RYR2: variants seen among roughly 807,000 people sequenced by gnomAD.
RYR2 encodes cardiac muscle ryanodine receptor-calcium release channel.
A neutral mutation model predicts 601.1 loss-of-function variants in RYR2; 227 were observed. The observed-to-expected ratio is 0.38, with a 90% CI of 0.34 to 0.42. The LOEUF is 0.42. Ranked by LOEUF, RYR2 falls within the 10% of genes least tolerant of loss-of-function variation. The pLI, the probability that RYR2 is intolerant of heterozygous loss-of-function variation, is 1.00. For missense variants in RYR2, 4,646 were observed against 6,156.5 expected (o/e 0.75, Z 8.21); for synonymous variants, 2,223 against 2,175.1 (o/e 1.02, Z -0.61).
intron 19 of RYR2, among the ~76,000 whole-genome samples, chr1:237,493,386 G>A (rs899799823): frequency 5.9e-5 from 9 of 152,034 alleles, no homozygotes; most frequent in African/African-American, 1.9e-4. Flanking sequence ...ATAGGTATAT[G>A]GTTGTATATA....
intron 10 of RYR2, among the ~76,000 whole-genome samples, chr1:237,391,705 A>C (rs925156908): frequency 1.3e-5 from 2 of 152,174 alleles, no homozygotes; most frequent in Non-Finnish European, 2.9e-5. Context: ...TCTGGATATC[A>C]GTAGAGTTAC....
intron 2 of RYR2, among the ~76,000 whole-genome samples, chr1:237,302,725 C>CT (rs1693485872): frequency 6.6e-6 from 1 of 152,152 alleles, no homozygotes; most frequent in African/African-American, 2.4e-5. Flanking sequence ...AATCCCAGCT[C>CT]TATCATTTAT....
At chr1:237,577,498 T>G (rs12132980) in intron 29 of RYR2, among the ~76,000 whole-genome samples, 45,050 of 133,412 alleles carry the variant, frequency 0.34, 7,199 homozygotes, top group East Asian at 0.63. Flanking sequence ...GAGTGTGTGT[T>G]TCTGTGTGTG....
chr1:237,096,533 G>C (rs768235372), intron 1 of RYR2, among the ~76,000 whole-genome samples: 2 of 152,126 alleles, frequency 1.3e-5, no homozygotes, highest in African/African-American at 2.4e-5. Context: ...GCTTTGCTGA[G>C]GGAGGCAATA....
At chr1:237,263,156 T>C (rs984058619) in intron 1 of RYR2, among the ~76,000 whole-genome samples, 1 of 152,186 alleles carries the variant, frequency 6.6e-6, no homozygotes, top group Non-Finnish European at 1.5e-5. Flanking sequence ...TATTGCCCTA[T>C]TTCCTGGCTG....
At chr1:237,709,709 T>C in intron 70 of RYR2, 142 bp downstream of exon 70, 1 of 487,566 alleles carries the variant, frequency 2.1e-6, no homozygotes, top group Non-Finnish European at 3.7e-6. Flanking sequence ...TTCTGAGTTT[T>C]GCAATTTATC....
At chr1:237,747,693 T>C (rs1692197955) in intron 80 of RYR2, among the ~76,000 whole-genome samples, 1 of 152,146 alleles carries the variant, frequency 6.6e-6, no homozygotes, top group Non-Finnish European at 1.5e-5. Flanking sequence ...TTTGAATGGG[T>C]TTATTTGGTG....
At position 237,648,428 on chromosome 1, in the gene RYR2, C is replaced by T. The variant is rs1430994120; in HGVS notation, c.7343-16C>T. On this transcript the variant is annotated splice_polypyrimidine_tract_variant and intron_variant, in intron 48 of 104. Transcript: ENST00000366574. ...TGACACAGCCATTGACACCAAAATT[C>T]ACTTCTCTCTTTTAGATGGGAATGT... The T allele has an allele frequency of 6.3e-7, 1 of 1,585,004 alleles. No individual in the cohort carries two copies. The highest frequency in any genetic ancestry group is 2.2e-5 in the East Asian group (1 of 44,484).
chr1:237,071,429 G>T (rs1044209018), intron 1 of RYR2, among the ~76,000 whole-genome samples: 3 of 151,992 alleles, frequency 2.0e-5, no homozygotes, highest in African/African-American at 7.3e-5. Context: ...TCACTATGTT[G>T]GCCAGGCTGG....
At chr1:237,310,748 A>G (rs1050122892) in intron 2 of RYR2, among the ~76,000 whole-genome samples, 3 of 152,226 alleles carry the variant, frequency 2.0e-5, no homozygotes, top group African/African-American at 7.2e-5. Flanking sequence ...TTTGGTTTAC[A>G]ATAATGTAAT....
chr1:237,270,417 A>G (rs1689563077), intron 1 of RYR2, 80 bp from the exon 2 acceptor site: 2 of 1,526,658 alleles, frequency 1.3e-6, no homozygotes, highest in Non-Finnish European at 1.8e-6. Context: ...CACTAAAATA[A>G]TGTTCTTCAA....
chr1:237,079,429 G>C (rs1665347822), intron 1 of RYR2, among the ~76,000 whole-genome samples: 3 of 48,590 alleles, frequency 6.2e-5, no homozygotes, highest in African/African-American at 1.7e-4. Flanking sequence ...CTTCAGCAAA[G>C]TCTCAGGATA....
intron 50 of RYR2, among the ~76,000 whole-genome samples, chr1:237,650,836 A>T (rs1320975123): frequency 6.6e-6 from 1 of 152,210 alleles, no homozygotes; most frequent in African/African-American, 2.4e-5. Flanking sequence ...CAGAAGAGTA[A>T]TTCTTTAACT....
chr1:237,737,337 G>A (rs938070516), intron 79 of RYR2, among the ~76,000 whole-genome samples: 1 of 152,014 alleles, frequency 6.6e-6, no homozygotes. Flanking sequence ...CTTGCACCAC[G>A]CAGTTTGTTA....
At position 237,529,874 on chromosome 1, in the gene RYR2, G is replaced by A. The variant is rs545351311; in HGVS notation, c.2823-553G>A. 5.9e-5 allele frequency among the ~76,000 whole-genome samples: 9 copies of A among 151,936 alleles called. No homozygotes were observed. The South Asian group carries it at 1.7e-3, about 28-fold the overall frequency. On this transcript the variant is annotated intron_variant, in intron 24 of 104. Coordinates refer to ENST00000366574, the MANE Select transcript of RYR2 (RefSeq NM_001035.3). Reference sequence around the variant, plus strand: ...GAATTGTTAACAATTGATGCCTTTAGAGGAAGGAAACAGAATTAGAAGAAG... The same window carrying A: ...GAATTGTTAACAATTGATGCCTTTAAAGGAAGGAAACAGAATTAGAAGAAG...
intron 1 of RYR2, among the ~76,000 whole-genome samples, chr1:237,173,226 G>GA (rs1553328666): frequency 6.6e-6 from 1 of 151,310 alleles, no homozygotes; most frequent in African/African-American, 2.4e-5. Flanking sequence ...AAATGGCTCT[G>GA]AAAACAAAAA....
chr1:237,569,094 C>T (rs1379298125), intron 28 of RYR2, 51 bp from the exon 29 acceptor site: 9 of 1,548,732 alleles, frequency 5.8e-6, no homozygotes, highest in African/African-American at 1.4e-5. Context: ...TGGGTGGGTG[C>T]GATTTTCCTG....
chr1:237,531,882 T>G (rs561167454), intron 25 of RYR2, among the ~76,000 whole-genome samples: 73 of 152,314 alleles, frequency 4.8e-4, no homozygotes, highest in African/African-American at 1.6e-3. Flanking sequence ...CCATCATCTG[T>G]GTAAAAATGA....
chr1:237,801,118 A>G (rs1659908161), intron 97 of RYR2, among the ~76,000 whole-genome samples: 1 of 152,216 alleles, frequency 6.6e-6, no homozygotes, highest in Admixed American at 6.5e-5. Flanking sequence ...TATTTATGCT[A>G]GCTTTTATTA....
Sources: allele counts gnomAD v4.1 joint callset (sites outside exome capture counted in the v4.1 genomes callset), GRCh38; gene constraint gnomAD v4.1.1; transcripts MANE v1.5; gene names NCBI Gene and HGNC (gene_info 2026-07-23, HGNC 2026-07-21).